Variants in PKHD1L1 observed in about 807,000 individuals in gnomAD.
PKHD1L1 encodes the protein PKHD1 like 1, also known as fibrocystin-L.
In PKHD1L1, 434 loss-of-function variants were observed where a neutral mutation model predicts 462.9. The ratio of observed to expected loss-of-function variants is 0.94; its 90% confidence interval spans 0.87 to 1.02. The LOEUF is 1.02. PKHD1L1 is among the 50% of genes least tolerant of loss of function. PKHD1L1 has a pLI of 0.00. For missense variants in PKHD1L1, 5,202 were observed against 5,096.1 expected (o/e 1.02, Z -0.63); for synonymous variants, 1,781 against 1,750.0 (o/e 1.02, Z -0.44).
chr8:109,470,930 G>C lies in PKHD1L1; in HGVS notation c.8605+4161G>C, dbSNP rs571257432. On this transcript the variant is annotated intron_variant, in intron 50 of 77. Coordinates refer to ENST00000378402, the MANE Select transcript of PKHD1L1 (RefSeq NM_177531.6). ...AGCCTGGGGAGAGAGAAATGAGGAA[G>C]GATTTCTGAACAACAGTGGGGAGTT... 11 of 1,602,624 alleles carry C rather than the reference G, an allele frequency of 6.9e-6. No homozygotes were observed. The Admixed American group carries it at 1.7e-4, about 24-fold the overall frequency.
At chr8:109,479,361 C>A (rs1818155797) in intron 53 of PKHD1L1, among the ~76,000 whole-genome samples, 190 bp from the exon 54 acceptor site, 1 of 152,086 alleles carries the variant, frequency 6.6e-6, no homozygotes, top group African/African-American at 2.4e-5. Flanking sequence ...ATCTAGCCAA[C>A]TATATCCTCT....
chr8:109,527,125 A>G, intron 77 of PKHD1L1, 105 bp downstream of exon 77: 1 of 988,232 alleles, frequency 1.0e-6, no homozygotes, highest in Non-Finnish European at 1.5e-6. Flanking sequence ...CACTGTGTGC[A>G]CAAAGAGAAA....
Position 109,523,211 on chromosome 8 carries a change from TCTA to T in PKHD1L1, c.12331-19_12331-17del. 6.5e-7 allele frequency: 1 copy of T among 1,537,570 alleles called. No homozygotes were observed. Among genetic ancestry groups the T allele is most frequent in the Non-Finnish European group, 8.8e-7 (1 of 1,136,960 alleles). On this transcript the variant is annotated intron_variant, in intron 75 of 77. Coordinates refer to ENST00000378402, the MANE Select transcript of PKHD1L1 (RefSeq NM_177531.6). ...GGAAACAGGACAATTGTTATAATTA[TCTA>T]CTTTTTTTTTTTTTTTAGGGTAACT... is the stretch of plus-strand genomic sequence containing the variant.
intron 47 of PKHD1L1, among the ~76,000 whole-genome samples, chr8:109,460,707 G>A (rs1386092071): frequency 6.6e-6 from 1 of 152,152 alleles, no homozygotes; most frequent in Non-Finnish European, 1.5e-5. Flanking sequence ...ACTAGGTTAT[G>A]CTCTATTTAC....
At chr8:109,482,544 T>C (rs896601409) in intron 56 of PKHD1L1, among the ~76,000 whole-genome samples, 1 of 151,784 alleles carries the variant, frequency 6.6e-6, no homozygotes, top group Non-Finnish European at 1.5e-5. Flanking sequence ...TCATAAAACA[T>C]GGTCACATTA....
intron 5 of PKHD1L1, 70 bp downstream of exon 5, chr8:109,384,197 A>C: frequency 3.5e-6 from 4 of 1,143,122 alleles, no homozygotes; most frequent in Non-Finnish European, 2.6e-6. Context: ...TTAGTATATG[A>C]AATTAGTATA....
intron 76 of PKHD1L1, among the ~76,000 whole-genome samples, chr8:109,526,583 T>C (rs1304742124): frequency 1.3e-5 from 2 of 152,194 alleles, no homozygotes; most frequent in Non-Finnish European, 2.9e-5. Context: ...GTTGTTCAGT[T>C]AATGGGCAGA....
At chr8:109,481,337 T>C in intron 55 of PKHD1L1, 96 bp from the exon 56 acceptor site, 2 of 1,160,710 alleles carry the variant, frequency 1.7e-6, no homozygotes, top group Non-Finnish European at 2.3e-6. Context: ...CATTCCTTTT[T>C]ACTAGGCTTC....
At chr8:109,478,079 A>G (rs1818084294) in intron 53 of PKHD1L1, among the ~76,000 whole-genome samples, 1 of 152,134 alleles carries the variant, frequency 6.6e-6, no homozygotes, top group South Asian at 2.1e-4. Context: ...TACTACTGAC[A>G]AAACATGATG....
At chr8:109,370,158 G>T (rs567851392) in intron 2 of PKHD1L1, among the ~76,000 whole-genome samples, 2 of 151,906 alleles carry the variant, frequency 1.3e-5, no homozygotes, top group African/African-American at 4.8e-5. Flanking sequence ...TCGCTCTGTC[G>T]CCCAGGCTGG....
intron 71 of PKHD1L1, among the ~76,000 whole-genome samples, chr8:109,512,273 G>A (rs1043245387): frequency 1.3e-5 from 2 of 152,030 alleles, no homozygotes; most frequent in African/African-American, 4.8e-5. Flanking sequence ...CCTTGCCCAT[G>A]TCTATGTCCT....
intron 50 of PKHD1L1, among the ~76,000 whole-genome samples, chr8:109,473,640 T>C (rs1817838641): frequency 6.6e-6 from 1 of 152,190 alleles, no homozygotes; most frequent in African/African-American, 2.4e-5. Flanking sequence ...TCAGCTCTTC[T>C]ATGTTAACCA....
chr8:109,398,952 G>A (rs537512119), intron 12 of PKHD1L1, among the ~76,000 whole-genome samples: 83 of 152,262 alleles, frequency 5.5e-4, no homozygotes, highest in Middle Eastern at 6.8e-3. Context: ...TAATGTGGGA[G>A]TGAAAACAGG....
intron 40 of PKHD1L1, among the ~76,000 whole-genome samples, chr8:109,449,813 T>C (rs974592552): frequency 6.6e-6 from 1 of 152,202 alleles, no homozygotes; most frequent in African/African-American, 2.4e-5. Context: ...GATAGGAGTT[T>C]CATTAATGGC....
At chr8:109,420,883 A>G (rs886459619) in intron 23 of PKHD1L1, among the ~76,000 whole-genome samples, 193 bp downstream of exon 23, 1 of 152,182 alleles carries the variant, frequency 6.6e-6, no homozygotes, top group Non-Finnish European at 1.5e-5. Context: ...TATGGGAAGG[A>G]AAACAGGGAG....
At chr8:109,363,166 T>G (rs991998158) in intron 1 of PKHD1L1, among the ~76,000 whole-genome samples, 1 of 152,128 alleles carries the variant, frequency 6.6e-6, no homozygotes, top group Non-Finnish European at 1.5e-5. Context: ...GGGAAGAGAC[T>G]GATAAGATAA....
At chr8:109,481,380 A>AT (rs1053356969) in intron 55 of PKHD1L1, 53 bp from the exon 56 acceptor site, 148 of 1,482,700 alleles carry the variant, frequency 1.0e-4, no homozygotes, top group Middle Eastern at 1.8e-4. Flanking sequence ...TTATGGGTGG[A>AT]TTTTTTTTCC....
intron 50 of PKHD1L1, among the ~76,000 whole-genome samples, chr8:109,473,546 GA>G (rs951014005): frequency 4.0e-5 from 6 of 151,410 alleles, no homozygotes; most frequent in Non-Finnish European, 8.8e-5. Context: ...GAAAAAGAAA[GA>G]AAAGAACTCA....
intron 71 of PKHD1L1, among the ~76,000 whole-genome samples, chr8:109,514,963 A>C (rs1191307554): frequency 6.6e-6 from 1 of 152,104 alleles, no homozygotes; most frequent in Non-Finnish European, 1.5e-5. Context: ...TTCTACTAAG[A>C]ATAGTCAATT....
Sources: gnomAD v4.1 joint callset for allele counts (sites outside exome capture counted in the v4.1 genomes callset) on GRCh38, gnomAD v4.1.1 for gene constraint, MANE v1.5 for transcripts, NCBI Gene and HGNC (gene_info 2026-07-23, HGNC 2026-07-21) for gene names.